Variants in NRK observed in about 807,000 individuals in gnomAD.
NRK encodes nik-related protein kinase.
Under a neutral mutation model 125.2 loss-of-function variants are expected in NRK, and 67 were observed. The observed-to-expected ratio is 0.54, with a 90% CI of 0.44 to 0.66. The LOEUF (loss-of-function observed/expected upper bound fraction) is 0.66. Ranked by LOEUF, NRK falls within the 30% of genes least tolerant of loss-of-function variation. NRK has a pLI of 0.00. For missense variants in NRK, 1,224 were observed against 1,192.9 expected (o/e 1.03, Z -0.38); for synonymous variants, 458 against 429.0 (o/e 1.07, Z -0.84).
In NRK at chrX:105,898,624, A is replaced by G; in HGVS notation, c.621A>G (p.Gly207=). The change falls in exon 8 of 29, where the codon GGA becomes GGG. Residue 207 remains glycine, a synonymous_variant. Coordinates refer to ENST00000243300, the MANE Select transcript of NRK (RefSeq NM_198465.4). ...GVSAQVSRTN[G]RRNSFIGTPY... Reference sequence around the variant, plus strand: ...GTGCCCAGGTGAGCAGAACTAATGGAAGAAGGAATAGTTTCATTGGGACAC... The same window carrying G: ...GTGCCCAGGTGAGCAGAACTAATGGGAGAAGGAATAGTTTCATTGGGACAC... The G allele has an allele frequency of 8.3e-7, 1 of 1,200,574 alleles. No individual in the cohort carries two copies. Among genetic ancestry groups the G allele is most frequent in the Non-Finnish European group, 1.1e-6 (1 of 887,913 alleles).
intron 2 of NRK, among the ~76,000 whole-genome samples, chrX:105,844,272 T>C (rs1052355748): frequency 2.7e-5 from 3 of 110,554 alleles, no homozygotes; most frequent in Non-Finnish European, 5.7e-5. Flanking sequence ...AAAAGAAGTG[T>C]GAAGTAGAGA....
At chrX:105,924,470 A>G (rs1163719972) in intron 18 of NRK, among the ~76,000 whole-genome samples, 1 of 111,837 alleles carries the variant, frequency 8.9e-6, no homozygotes, top group Non-Finnish European at 1.9e-5. Context: ...ATCCAAATGC[A>G]TCTGAGAAAT....
chrX:105,887,977 C>T (rs1263383132), intron 4 of NRK, among the ~76,000 whole-genome samples: 1 of 112,215 alleles, frequency 8.9e-6, no homozygotes, highest in African/African-American at 3.2e-5. Flanking sequence ...CTCAATAAAA[C>T]TGTTACAAAA....
intron 2 of NRK, among the ~76,000 whole-genome samples, chrX:105,868,546 C>T (rs2039701327): frequency 1.8e-5 from 2 of 111,494 alleles, no homozygotes; most frequent in Admixed American, 1.9e-4. Flanking sequence ...CGCTAGATTT[C>T]ACTTGCCTAC....
At chrX:105,848,445 T>C (rs1280295304) in intron 2 of NRK, among the ~76,000 whole-genome samples, 2 of 112,019 alleles carry the variant, frequency 1.8e-5, no homozygotes, top group African/African-American at 6.5e-5. Context: ...ATAATTAAAA[T>C]GGTGGTAATT....
chrX:105,860,489 C>A (rs1221374103), intron 2 of NRK, among the ~76,000 whole-genome samples: 1 of 110,249 alleles, frequency 9.1e-6, no homozygotes, highest in African/African-American at 3.3e-5. Context: ...AACAGTGCAA[C>A]CATGATAACT....
chrX:105,853,530 G>GAC (rs760111907), intron 2 of NRK, among the ~76,000 whole-genome samples: 75 of 111,654 alleles, frequency 6.7e-4, no homozygotes, highest in Non-Finnish European at 1.2e-3. Context: ...AGCACACACA[G>GAC]ACACACACAC....
intron 2 of NRK, among the ~76,000 whole-genome samples, chrX:105,833,067 G>A (rs1330494214): frequency 9.0e-6 from 1 of 110,824 alleles, no homozygotes; most frequent in East Asian, 2.8e-4. Context: ...ACTAAATAAA[G>A]CACCCATAGC....
At chrX:105,898,165 C>T (rs1569304818) in intron 7 of NRK, among the ~76,000 whole-genome samples, 1 of 111,639 alleles carries the variant, frequency 9.0e-6, no homozygotes, top group African/African-American at 3.3e-5. Flanking sequence ...TGTGATAGAG[C>T]CTTCTCATAT....
At chrX:105,860,023 T>A (rs181965333) in intron 2 of NRK, among the ~76,000 whole-genome samples, 1 of 112,062 alleles carries the variant, frequency 8.9e-6, no homozygotes, top group Admixed American at 9.5e-5. Context: ...TATCTCTGTT[T>A]GGCTTTGTAT....
Position 105,912,651 on chromosome X carries a change from AAAG to A in NRK, c.2250_2252del (p.Glu750del). ...TACTTTCCTTTTTGTTTCAAAGGAC[AAAG>A]AAGATGAATCATCAGACAATGATGA... is the stretch of plus-strand genomic sequence containing the variant. On this transcript the variant is annotated inframe_deletion, in exon 14 of 29. Coordinates refer to ENST00000243300, the MANE Select transcript of NRK (RefSeq NM_198465.4). 2.8e-6 allele frequency: 3 copies of A among 1,065,133 alleles called. No individual in the cohort carries two copies. Among genetic ancestry groups the A allele is most frequent in the Middle Eastern group, 5.0e-4 (2 of 4,006 alleles). The allele number at this position is 1,065,133 out of a possible 1,213,427, so 87.8% of individuals were successfully genotyped here. A position where few individuals can be genotyped will look rare whatever the true frequency, so the allele number is the denominator to read the frequency against.
At chrX:105,880,342 A>G in intron 3 of NRK, 87 bp downstream of exon 3, 1 of 335,686 alleles carries the variant, frequency 3.0e-6, no homozygotes, top group Non-Finnish European at 5.2e-6. Flanking sequence ...ATTTGTTTTT[A>G]AATCATTATT....
chrX:105,834,309 G>T (rs921506089), intron 2 of NRK, among the ~76,000 whole-genome samples: 5 of 111,332 alleles, frequency 4.5e-5, no homozygotes, highest in Non-Finnish European at 7.6e-5. Flanking sequence ...ATGCCAATTT[G>T]TCTTCAGACT....
At position 105,825,692 on chromosome X, in the gene NRK, T is replaced by G. The variant is rs1159741365; in HGVS notation, c.57+2790T>G. Among the ~76,000 whole-genome samples, 12 of 111,627 alleles carry G rather than the reference T, an allele frequency of 1.1e-4. No homozygotes were observed. In the Admixed American group the frequency reaches 1.1e-3, roughly 11 times the overall value. ...GAAACGGTGACAAAATTATATAACTTTCAACATTAAAACATTCACTTTTAT... is the reference window on the plus strand; with the variant it reads ...GAAACGGTGACAAAATTATATAACTGTCAACATTAAAACATTCACTTTTAT... On this transcript the variant is annotated intron_variant, in intron 1 of 28. Coordinates refer to ENST00000243300, the MANE Select transcript of NRK (RefSeq NM_198465.4).
intron 23 of NRK, among the ~76,000 whole-genome samples, 151 bp from the exon 24 acceptor site, chrX:105,943,789 TG>T (rs2040777304): frequency 8.9e-6 from 1 of 112,381 alleles, no homozygotes; most frequent in Admixed American, 9.4e-5. Context: ...GTTACCTTTT[TG>T]TGGGCATCAA....
At chrX:105,881,060 A>G (rs1329665785) in intron 3 of NRK, among the ~76,000 whole-genome samples, 1 of 111,470 alleles carries the variant, frequency 9.0e-6, no homozygotes, top group Non-Finnish European at 1.9e-5. Flanking sequence ...GTGCTTCCAT[A>G]GCACATGTGT....
At chrX:105,879,053 C>A (rs2039853014) in intron 2 of NRK, among the ~76,000 whole-genome samples, 1 of 111,162 alleles carries the variant, frequency 9.0e-6, no homozygotes. Flanking sequence ...CAATCCTTGA[C>A]ATTTCTTGGC....
intron 23 of NRK, among the ~76,000 whole-genome samples, chrX:105,940,944 A>G (rs1387971216): frequency 1.8e-5 from 2 of 111,860 alleles, no homozygotes; most frequent in Middle Eastern, 4.6e-3. Flanking sequence ...ATGTGTGTGC[A>G]TATGTACACA....
chrX:105,890,206 C>T (rs1055562223), intron 5 of NRK, among the ~76,000 whole-genome samples: 1 of 111,738 alleles, frequency 8.9e-6, no homozygotes, highest in African/African-American at 3.3e-5. Flanking sequence ...ACAAAGGTCA[C>T]CTTCGCTCCA....
Sources: gnomAD v4.1 joint callset for allele counts (sites outside exome capture counted in the v4.1 genomes callset) on GRCh38, gnomAD v4.1.1 for gene constraint, MANE v1.5 for transcripts, NCBI Gene and HGNC (gene_info 2026-07-23, HGNC 2026-07-21) for gene names.